The following DLGAP5 variants were observed in gnomAD, a reference collection of about 807,000 sequenced individuals.
DLGAP5 encodes the protein disks large-associated protein 5.
A neutral mutation model predicts 99.6 loss-of-function variants in DLGAP5; 90 were observed. The ratio of observed to expected loss-of-function variants is 0.90; its 90% CI spans 0.76 to 1.08. The LOEUF is 1.08. DLGAP5 is among the 50% of genes least tolerant of loss of function. The pLI is 0.00. For missense variants in DLGAP5, 1,036 were observed against 983.5 expected (o/e 1.05, Z -0.71); for synonymous variants, 311 against 321.3 (o/e 0.97, Z 0.34).
intron 2 of DLGAP5, among the ~76,000 whole-genome samples, chr14:55,187,396 G>C (rs373860224): frequency 6.9e-6 from 1 of 145,650 alleles, no homozygotes; most frequent in Non-Finnish European, 1.5e-5. Flanking sequence ...TCAGCTAACT[G>C]CAACGTCCAC....
chr14:55,173,434 AAAAG>A (rs1264221627), intron 10 of DLGAP5, among the ~76,000 whole-genome samples: 1 of 152,154 alleles, frequency 6.6e-6, no homozygotes, highest in Non-Finnish European at 1.5e-5. Flanking sequence ...AAAACAAAAG[AAAAG>A]AAAGAAATGA....
rs1406670108 is a variant in DLGAP5, at chr14:55,162,990, ATAT to A, written c.1631_1633del (p.Asn544del). 3.8e-6 allele frequency: 6 copies of A among 1,582,710 alleles called. No individual in the cohort carries two copies. The highest frequency in any genetic ancestry group is 5.1e-6 in the Non-Finnish European group (6 of 1,166,354). ...ACTTACCCTAAAGACATTTTTGTTC[ATAT>A]TATGATTCATATTATTATTGACTTG... is the stretch of plus-strand genomic sequence containing the variant. On this transcript the variant is annotated inframe_deletion, in exon 13 of 19. Coordinates refer to ENST00000247191, the MANE Select transcript of DLGAP5 (RefSeq NM_014750.5).
intron 10 of DLGAP5, among the ~76,000 whole-genome samples, chr14:55,172,647 A>T (rs1230674827): frequency 1.3e-5 from 2 of 151,922 alleles, no homozygotes; most frequent in Non-Finnish European, 2.9e-5. Context: ...AAAAACAAAA[A>T]ATTTGAGTTG....
At chr14:55,156,314 G>A (rs1471585763) in intron 14 of DLGAP5, among the ~76,000 whole-genome samples, 1 of 151,918 alleles carries the variant, frequency 6.6e-6, no homozygotes. Flanking sequence ...AAAACAGAAG[G>A]GTCTCTGGTT....
intron 12 of DLGAP5, among the ~76,000 whole-genome samples, chr14:55,165,440 T>C (rs1308623077): frequency 2.0e-5 from 3 of 152,012 alleles, no homozygotes; most frequent in Non-Finnish European, 4.4e-5. Context: ...GGAGGGTTGT[T>C]TGAGCCCAGG....
At chr14:55,151,583 G>A in intron 17 of DLGAP5, 112 bp downstream of exon 17, 1 of 1,177,242 alleles carries the variant, frequency 8.5e-7, no homozygotes, top group Non-Finnish European at 1.2e-6. Context: ...AACAATGAAG[G>A]ATCCTCAATA....
chr14:55,182,769 C>G (rs1354290658), intron 3 of DLGAP5, among the ~76,000 whole-genome samples: 1 of 152,132 alleles, frequency 6.6e-6, no homozygotes, highest in African/African-American at 2.4e-5. Context: ...CCTAAAAGTG[C>G]TCTCTAGAGC....
chr14:55,162,923 T>A, intron 13 of DLGAP5, 48 bp downstream of exon 13: 3 of 988,536 alleles, frequency 3.0e-6, no homozygotes, highest in Admixed American at 2.5e-5. Flanking sequence ...TGTATAACAG[T>A]TCCTTAACTA....
At position 55,149,036 on chromosome 14, in the gene DLGAP5, TG is replaced by T. The variant is rs559370598; in HGVS notation, c.2419-564del. ...CTGCTTCAAGTTCAAATTATGCTAC[TG>T]GGGCAACCAATAATTTGGGTCTAAA... On this transcript the variant is annotated intron_variant, in intron 18 of 18. Transcript: ENST00000247191. 1.2e-3 allele frequency among the ~76,000 whole-genome samples: 187 copies of T among 152,296 alleles called. 1 individual carries two copies. The highest frequency in any genetic ancestry group is 9.5e-3 in the Admixed American group (146 of 15,294).
At chr14:55,174,171 C>A (rs897611961) in intron 10 of DLGAP5, among the ~76,000 whole-genome samples, 4 of 152,136 alleles carry the variant, frequency 2.6e-5, no homozygotes, top group Non-Finnish European at 4.4e-5. Flanking sequence ...CTTAACTGGC[C>A]CCCTGGGCGT....
At chr14:55,186,552 T>C (rs1308557884) in intron 2 of DLGAP5, among the ~76,000 whole-genome samples, 1 of 152,022 alleles carries the variant, frequency 6.6e-6, no homozygotes, top group Non-Finnish European at 1.5e-5. Flanking sequence ...TGACAAAAGG[T>C]AGTCAGTTTT....
chr14:55,190,358 G>A (rs1000625332), intron 1 of DLGAP5, among the ~76,000 whole-genome samples: 1 of 151,294 alleles, frequency 6.6e-6, no homozygotes, highest in Non-Finnish European at 1.5e-5. Context: ...CTTTTTCTTG[G>A]AAAGATCTTT....
chr14:55,163,618 A>G (rs1391751387), intron 12 of DLGAP5, among the ~76,000 whole-genome samples: 4 of 152,210 alleles, frequency 2.6e-5, no homozygotes, highest in Admixed American at 2.0e-4. Flanking sequence ...TAAAGTGGAT[A>G]TAACATTTTG....
At chr14:55,183,069 G>GA (rs1396423434) in intron 3 of DLGAP5, among the ~76,000 whole-genome samples, 1 of 151,798 alleles carries the variant, frequency 6.6e-6, no homozygotes, top group East Asian at 1.9e-4. Flanking sequence ...CCATCTACTT[G>GA]GCCACCAGTC....
At chr14:55,162,877 A>G (rs1391607878) in intron 13 of DLGAP5, 94 bp downstream of exon 13, 2 of 528,058 alleles carry the variant, frequency 3.8e-6, no homozygotes, top group African/African-American at 2.0e-5. Flanking sequence ...CTTAAAAACA[A>G]GAAGTAGAAG....
chr14:55,170,880 T>TTA (rs1882835396), intron 10 of DLGAP5, 93 bp from the exon 11 acceptor site: 3 of 864,046 alleles, frequency 3.5e-6, no homozygotes, highest in Admixed American at 2.1e-5. Context: ...CATTAGGAAG[T>TTA]TATAAAAGGG....
In DLGAP5 at chr14:55,158,818, C is replaced by T. The variant is rs569948136; in HGVS notation, c.1654-77G>A. On this transcript the variant is annotated intron_variant, in intron 13 of 18. Coordinates refer to ENST00000247191, the MANE Select transcript of DLGAP5 (RefSeq NM_014750.5). Reference sequence around the variant, plus strand: ...AAACACACAACAAACACAAATTCATCACTTAAAAATTTAATTTTTAAAAAT... The same window carrying T: ...AAACACACAACAAACACAAATTCATTACTTAAAAATTTAATTTTTAAAAAT... 3.9e-6 allele frequency: 4 copies of T among 1,012,780 alleles called. No individual in the cohort carries two copies. The East Asian group carries it at 7.5e-5, about 19-fold the overall frequency. The allele number at this position is 1,012,780 out of a possible 1,614,324, so 62.7% of individuals were successfully genotyped here. A position where few individuals can be genotyped will look rare whatever the true frequency, so the allele number is the denominator to read the frequency against.
chr14:55,172,974 T>G (rs1594675727), intron 10 of DLGAP5, among the ~76,000 whole-genome samples: 1 of 88,346 alleles, frequency 1.1e-5, no homozygotes, highest in Non-Finnish European at 2.0e-5. Flanking sequence ...AGAGCGAGAC[T>G]CCGTCTCAAA....
chr14:55,169,993 G>C (rs1322289390), intron 11 of DLGAP5, among the ~76,000 whole-genome samples: 1 of 152,032 alleles, frequency 6.6e-6, no homozygotes, highest in Non-Finnish European at 1.5e-5. Flanking sequence ...AAATCAGCTG[G>C]GCCTGGTGGC....
Sources: allele counts gnomAD v4.1 joint callset (sites outside exome capture counted in the v4.1 genomes callset), GRCh38; gene constraint gnomAD v4.1.1; transcripts MANE v1.5; gene names NCBI Gene and HGNC (gene_info 2026-07-23, HGNC 2026-07-21).